FPR3: variants seen among roughly 807,000 people sequenced by gnomAD.
The protein encoded by FPR3 is formyl peptide receptor 3.
For synonymous variants in FPR3, 135 were observed against 163.6 expected, an observed-to-expected ratio of 0.83 and a Z score of 1.34; for missense variants, 346 against 443.2, an observed-to-expected ratio of 0.78 and a Z score of 1.97.
intron 1 of FPR3, among the ~76,000 whole-genome samples, chr19:51,815,009 C>T (rs1200486258): frequency 2.0e-5 from 3 of 151,950 alleles, no homozygotes; most frequent in Non-Finnish European, 2.9e-5. Flanking sequence ...GGGGTTTCAC[C>T]TTGTTGCCCA....
Position 51,823,882 on chromosome 19 carries a change from G to T in FPR3, c.134G>T (p.Gly45Val), listed in dbSNP as rs770182384. The change falls in exon 2 of 2, where the codon GGG becomes GTG. Residue 45 changes from glycine to valine, a missense_variant. Transcript: ENST00000339223. ...VTFVFGVLGN[G>V]LVIWVAGFRM... ...TTTGTCTTCGGGGTCCTGGGCAATG[G>T]GCTTGTGATCTGGGTGGCTGGATTC... 1 of 1,614,032 alleles carries T rather than the reference G, an allele frequency of 6.2e-7. No homozygotes were observed. Among genetic ancestry groups the T allele is most frequent in the Non-Finnish European group, 8.5e-7 (1 of 1,179,994 alleles).
At chr19:51,798,647 G>A (rs952555875) in intron 1 of FPR3, among the ~76,000 whole-genome samples, 2 of 152,156 alleles carry the variant, frequency 1.3e-5, no homozygotes, top group African/African-American at 2.4e-5. Flanking sequence ...TCCACTGACT[G>A]GCTAGGTATG....
chr19:51,814,891 C>T (rs1009193245), intron 1 of FPR3, among the ~76,000 whole-genome samples: 6 of 152,102 alleles, frequency 3.9e-5, no homozygotes, highest in African/African-American at 1.2e-4. Context: ...CTCACTGCAA[C>T]CTCCACCTCC....
chr19:51,808,433 A>G (rs117603797), intron 1 of FPR3, among the ~76,000 whole-genome samples: 2,798 of 152,322 alleles, frequency 0.018, 39 homozygotes, highest in Non-Finnish European at 0.03. Context: ...GATCTGTAGG[A>G]GCAGCCAAAA....
At chr19:51,809,858 C>T (rs965622931) in intron 1 of FPR3, among the ~76,000 whole-genome samples, 13 of 152,128 alleles carry the variant, frequency 8.5e-5, no homozygotes, top group African/African-American at 3.1e-4. Context: ...GAACCCATGC[C>T]TGGAACGGGG....
At chr19:51,823,640 G>C (rs781047846) in intron 1 of FPR3, 99 bp from the exon 2 acceptor site, 12 of 917,230 alleles carry the variant, frequency 1.3e-5, no homozygotes, top group Non-Finnish European at 1.8e-5. Context: ...ACTGGGGAGG[G>C]TCTGCTGGTA....
rs556682575 is a variant in FPR3 at position 51,813,506 on chromosome 19, AAGG to A, written c.-10-10230_-10-10228del. 5.4e-4 allele frequency among the ~76,000 whole-genome samples: 82 copies of A among 152,016 alleles called. 1 individual carries two copies. Among genetic ancestry groups the A allele is most frequent in the Non-Finnish European group, 8.8e-4 (60 of 67,998 alleles). On this transcript the variant is annotated intron_variant, in intron 1 of 1. Coordinates refer to ENST00000339223, the MANE Select transcript of FPR3 (RefSeq NM_002030.5). Reference sequence around the variant, plus strand: ...AAGGACAGGTCCTGAAGAGACTCTGAAGGAGTCTTTATAAAGGAGGATGGGATG... The same window carrying A: ...AAGGACAGGTCCTGAAGAGACTCTGAAGTCTTTATAAAGGAGGATGGGATG...
chr19:51,807,338 G>A (rs959436179), intron 1 of FPR3, among the ~76,000 whole-genome samples: 1 of 152,186 alleles, frequency 6.6e-6, no homozygotes, highest in Admixed American at 6.5e-5. Context: ...AAGGAGCCAG[G>A]GAGTGAGGCC....
intron 1 of FPR3, among the ~76,000 whole-genome samples, chr19:51,805,754 A>G (rs2084054579): frequency 6.6e-6 from 1 of 152,234 alleles, no homozygotes; most frequent in Non-Finnish European, 1.5e-5. Context: ...GCAAAGTTAC[A>G]GAGGACATCA....
chr19:51,797,539 A>G (rs1387660292), intron 1 of FPR3, among the ~76,000 whole-genome samples: 2 of 152,192 alleles, frequency 1.3e-5, no homozygotes, highest in Non-Finnish European at 2.9e-5. Context: ...CTAAGTCTTA[A>G]CTTTCTCGTC....
At chr19:51,819,158 G>A (rs572919752) in intron 1 of FPR3, among the ~76,000 whole-genome samples, 68 of 152,328 alleles carry the variant, frequency 4.5e-4, no homozygotes, top group African/African-American at 1.6e-3. Context: ...AATAGATACA[G>A]AATATTGGAA....
intron 1 of FPR3, among the ~76,000 whole-genome samples, chr19:51,810,304 G>A (rs559625149): frequency 2.6e-5 from 4 of 152,128 alleles, no homozygotes; most frequent in South Asian, 2.1e-4. Flanking sequence ...TACAATCCGC[G>A]TTTGCATCCT....
At chr19:51,813,110 C>A (rs956492186) in intron 1 of FPR3, among the ~76,000 whole-genome samples, 2 of 146,382 alleles carry the variant, frequency 1.4e-5, no homozygotes, top group African/African-American at 5.2e-5. Context: ...CAGAGTGATG[C>A]TCTGTCTCAA....
chr19:51,797,496 G>T (rs929653666), intron 1 of FPR3, among the ~76,000 whole-genome samples: 6 of 152,102 alleles, frequency 3.9e-5, no homozygotes, highest in Non-Finnish European at 2.9e-5. Context: ...TATAAAAAAT[G>T]ATCTTTTATC....
intron 1 of FPR3, among the ~76,000 whole-genome samples, chr19:51,800,633 G>A (rs1034078251): frequency 2.0e-5 from 3 of 152,226 alleles, no homozygotes; most frequent in African/African-American, 7.2e-5. Context: ...TGGTCAGGTG[G>A]TTGGGCAGGA....
intron 1 of FPR3, among the ~76,000 whole-genome samples, chr19:51,798,435 A>C (rs1186439989): frequency 6.6e-6 from 1 of 152,202 alleles, no homozygotes; most frequent in African/African-American, 2.4e-5. Context: ...TACACTAAAC[A>C]ATGTCCCTGG....
intron 1 of FPR3, among the ~76,000 whole-genome samples, chr19:51,801,523 G>A (rs747710757): frequency 3.9e-5 from 6 of 152,214 alleles, no homozygotes; most frequent in South Asian, 2.1e-4. Context: ...GCTCACGCCC[G>A]TAATCCCAGC....
intron 1 of FPR3, among the ~76,000 whole-genome samples, chr19:51,813,153 CA>C (rs2084109622): frequency 2.0e-5 from 3 of 151,226 alleles, no homozygotes; most frequent in African/African-American, 7.3e-5. Context: ...CACACACACA[CA>C]CACACACCCC....
At position 51,825,887 on chromosome 19, in the gene FPR3, T is replaced by A. The variant is rs181193397; in HGVS notation, c.*1077T>A. 2.2e-3 allele frequency: 364 copies of A among 167,200 alleles called. 1 individual carries two copies. Among genetic ancestry groups the A allele is most frequent in the Non-Finnish European group, 3.3e-3 (228 of 68,108 alleles). 10.4% of individuals were successfully genotyped at this position (167,200 alleles called of 1,614,324 possible). On this transcript the variant is annotated 3_prime_UTR_variant, in exon 2 of 2. Transcript: ENST00000339223. ...AGTGGGGATATTTGTAAGGCTTAGA[T>A]GAGATAGTGTTTTTTTAGAAAAAAA...
Sources: allele counts gnomAD v4.1 joint callset (sites outside exome capture counted in the v4.1 genomes callset), GRCh38; gene constraint gnomAD v4.1.1; transcripts MANE v1.5; gene names NCBI Gene and HGNC (gene_info 2026-07-23, HGNC 2026-07-21).